IL1RAPL1: variants seen among roughly 807,000 people sequenced by gnomAD.
The protein encoded by IL1RAPL1 is interleukin 1 receptor accessory protein like 1.
Under a neutral mutation model 48.4 loss-of-function variants are expected in IL1RAPL1, and 3 were observed. That is an observed-to-expected ratio of 0.06 (90% CI 0.03 to 0.16). The LOEUF is 0.16. IL1RAPL1 is among the 10% of genes least tolerant of loss of function. The pLI is 1.00. For missense variants in IL1RAPL1, 349 were observed against 530.6 expected (o/e 0.66, Z 3.36); for synonymous variants, 185 against 187.7 (o/e 0.99, Z 0.12).
intron 5 of IL1RAPL1, among the ~76,000 whole-genome samples, chrX:29,460,662 C>A (rs1249816807): frequency 1.8e-5 from 2 of 112,141 alleles, no homozygotes; most frequent in Non-Finnish European, 3.8e-5. Flanking sequence ...TTATTACATA[C>A]AATTTGAAAT....
At chrX:29,555,029 G>A (rs1921946020) in intron 5 of IL1RAPL1, among the ~76,000 whole-genome samples, 1 of 112,646 alleles carries the variant, frequency 8.9e-6, no homozygotes, top group Non-Finnish European at 1.9e-5. Flanking sequence ...TCTGTGCAGA[G>A]TTTACTCTCT....
intron 2 of IL1RAPL1, among the ~76,000 whole-genome samples, chrX:29,275,662 C>T (rs1300298889): frequency 8.9e-6 from 1 of 112,039 alleles, no homozygotes; most frequent in Non-Finnish European, 1.9e-5. Flanking sequence ...CTTTGTGTTT[C>T]CTCAGTAATG....
At chrX:29,541,653 A>G (rs1256046755) in intron 5 of IL1RAPL1, among the ~76,000 whole-genome samples, 2 of 112,066 alleles carry the variant, frequency 1.8e-5, no homozygotes, top group Admixed American at 9.5e-5. Context: ...GTGCCGCTGG[A>G]GGCCATTATC....
intron 3 of IL1RAPL1, among the ~76,000 whole-genome samples, chrX:29,333,978 A>ACCC (rs1191378866): frequency 3.9e-5 from 1 of 25,345 alleles, no homozygotes; most frequent in African/African-American, 1.7e-4. Context: ...CGGGGGGCTG[A>ACCC]CCCCCCCACC....
At chrX:29,121,878 A>T (rs1416327770) in intron 2 of IL1RAPL1, among the ~76,000 whole-genome samples, 1 of 112,028 alleles carries the variant, frequency 8.9e-6, no homozygotes, top group Non-Finnish European at 1.9e-5. Flanking sequence ...CCAGTTAAAA[A>T]ACTTATTTAT....
At chrX:29,086,257 GA>G (rs1327976613) in intron 2 of IL1RAPL1, among the ~76,000 whole-genome samples, 1 of 112,242 alleles carries the variant, frequency 8.9e-6, no homozygotes, top group Non-Finnish European at 1.9e-5. Context: ...CGTTTAGTCT[GA>G]ATAACTTCTC....
chrX:29,244,759 C>T (rs1032874528), intron 2 of IL1RAPL1, among the ~76,000 whole-genome samples: 1 of 112,078 alleles, frequency 8.9e-6, no homozygotes, highest in African/African-American at 3.2e-5. Flanking sequence ...CCTGAGTATT[C>T]CAATTACTGA....
At chrX:29,309,550 C>G (rs1384911430) in intron 3 of IL1RAPL1, among the ~76,000 whole-genome samples, 1 of 112,413 alleles carries the variant, frequency 8.9e-6, no homozygotes, top group African/African-American at 3.2e-5. Context: ...CAGTGGCTCA[C>G]GCCTGTAATC....
chrX:29,259,803 T>G (rs914507542), intron 2 of IL1RAPL1, among the ~76,000 whole-genome samples: 1 of 111,503 alleles, frequency 9.0e-6, no homozygotes, highest in Non-Finnish European at 1.9e-5. Context: ...TTTGCTTGTT[T>G]CATTTCCCAT....
chrX:29,062,899 A>G (rs1036165715), intron 2 of IL1RAPL1, among the ~76,000 whole-genome samples: 1 of 111,650 alleles, frequency 9.0e-6, no homozygotes, highest in Non-Finnish European at 1.9e-5. Context: ...GCAAAGTCTC[A>G]TTTATTTTCT....
intron 2 of IL1RAPL1, among the ~76,000 whole-genome samples, chrX:28,816,875 T>C (rs1286550208): frequency 1.8e-5 from 2 of 110,485 alleles, no homozygotes; most frequent in Non-Finnish European, 3.8e-5. Context: ...TATATAAGCA[T>C]TCCCTTTTCT....
intron 6 of IL1RAPL1, among the ~76,000 whole-genome samples, chrX:29,881,373 C>G (rs1932028985): frequency 9.0e-6 from 1 of 110,889 alleles, no homozygotes; most frequent in Non-Finnish European, 1.9e-5. Context: ...AAAGAAAATT[C>G]TGGAATTCTG....
intron 2 of IL1RAPL1, among the ~76,000 whole-genome samples, chrX:28,950,869 A>T (rs1414534544): frequency 9.1e-6 from 1 of 109,413 alleles, no homozygotes; most frequent in Non-Finnish European, 1.9e-5. Context: ...CTTGGAACCA[A>T]CCCACATGTC....
chrX:28,722,400 A>G (rs1601873237), intron 1 of IL1RAPL1, among the ~76,000 whole-genome samples: 1 of 110,830 alleles, frequency 9.0e-6, no homozygotes, highest in African/African-American at 3.3e-5. Flanking sequence ...TTTGTCTGTT[A>G]TTGGTGTATA....
intron 1 of IL1RAPL1, among the ~76,000 whole-genome samples, chrX:28,708,090 C>G (rs1185050121): frequency 9.0e-6 from 1 of 111,505 alleles, no homozygotes; most frequent in East Asian, 2.8e-4. Context: ...CCAGTTTCAA[C>G]AGTAATGGAA....
At chrX:29,357,250 CCAAA>C (rs1933317688) in intron 3 of IL1RAPL1, among the ~76,000 whole-genome samples, 1 of 111,767 alleles carries the variant, frequency 8.9e-6, no homozygotes, top group Non-Finnish European at 1.9e-5. Context: ...TAATTATTGT[CCAAA>C]CAGTGTTTAG....
chrX:29,221,620 TACACAC>T (rs35088625), intron 2 of IL1RAPL1, among the ~76,000 whole-genome samples: 3,818 of 79,359 alleles, frequency 0.048, 58 homozygotes, highest in African/African-American at 0.064. Flanking sequence ...TACACACACA[TACACAC>T]ACACACACAC....
At chrX:29,198,335 C>A (rs945297450) in intron 2 of IL1RAPL1, among the ~76,000 whole-genome samples, 4 of 108,828 alleles carry the variant, frequency 3.7e-5, no homozygotes, top group Non-Finnish European at 7.6e-5. Context: ...CTTACTCTGT[C>A]ACCCAGACTG....
At chrX:29,728,001 G>A (rs1007114526) in intron 6 of IL1RAPL1, among the ~76,000 whole-genome samples, 8 of 110,675 alleles carry the variant, frequency 7.2e-5, no homozygotes, top group Non-Finnish European at 1.5e-4. Flanking sequence ...GCAGTGGCGC[G>A]ATCTCGGCTC....
Sources: gnomAD v4.1 joint callset for allele counts (sites outside exome capture counted in the v4.1 genomes callset) on GRCh38, gnomAD v4.1.1 for gene constraint, MANE v1.5 for transcripts, NCBI Gene and HGNC (gene_info 2026-07-23, HGNC 2026-07-21) for gene names.